Variants in PAK3 observed in about 807,000 individuals in gnomAD.
PAK3 encodes the protein p21 (RAC1) activated kinase 3.
PAK3 carries 4 observed loss-of-function variants against 41.0 expected under a neutral mutation model. The observed-to-expected ratio is 0.10, with a 90% CI of 0.05 to 0.22. PAK3 has a LOEUF of 0.22. Ranked by LOEUF, PAK3 falls within the 10% of genes least tolerant of loss-of-function variation. The pLI, the probability that PAK3 is intolerant of heterozygous loss-of-function variation, is 1.00. For missense variants in PAK3, 205 were observed against 409.9 expected (o/e 0.50, Z 4.32); for synonymous variants, 146 against 139.6 (o/e 1.05, Z -0.32).
At chrX:111,066,212 A>G (rs768518331) in intron 1 of PAK3, among the ~76,000 whole-genome samples, 4 of 111,854 alleles carry the variant, frequency 3.6e-5, no homozygotes, top group Non-Finnish European at 7.5e-5. Flanking sequence ...TCCTATTAAC[A>G]CTGCTTTTAC....
chrX:110,946,906 A>G (rs1281806142), intron 1 of PAK3, among the ~76,000 whole-genome samples: 1 of 112,481 alleles, frequency 8.9e-6, no homozygotes, highest in African/African-American at 3.2e-5. Flanking sequence ...CTGGTAATTA[A>G]CAATGGTACA....
chrX:111,100,200 A>G (rs1350002882), intron 3 of PAK3, among the ~76,000 whole-genome samples: 6 of 110,217 alleles, frequency 5.4e-5, no homozygotes, highest in East Asian at 2.9e-4. Context: ...CCCTAACTCA[A>G]TCTCAAAACA....
chrX:111,043,827 A>G (rs772337995), intron 1 of PAK3, among the ~76,000 whole-genome samples: 28 of 111,299 alleles, frequency 2.5e-4, no homozygotes, highest in African/African-American at 9.1e-4. Flanking sequence ...CAGACTTCTC[A>G]CCTTCTATTG....
chrX:111,161,536 TTGCCCA>T (rs2094188566), intron 8 of PAK3, among the ~76,000 whole-genome samples: 1 of 111,064 alleles, frequency 9.0e-6, no homozygotes, highest in South Asian at 3.8e-4. Flanking sequence ...CATGAAGTCC[TTGCCCA>T]TGCCTATGTC....
At position 111,048,387 on chromosome X, in the gene PAK3, C is replaced by T. The variant is rs143395479; in HGVS notation, c.-27-74690C>T. On this transcript the variant is annotated intron_variant, in intron 1 of 14. Transcript: ENST00000425146. ...AAAAAGTCTGCCTGTTGATGATGCT[C>T]ATATTCATATCTTCAGCTCTCACCT... Among the ~76,000 whole-genome samples the T allele has an allele frequency of 2.7e-3, 296 of 111,531 alleles. 1 individual carries two copies. Among genetic ancestry groups the T allele is most frequent in the African/African-American group, 8.8e-3 (270 of 30,640 alleles).
chrX:111,176,946 GA>G (rs1464250970), intron 11 of PAK3, among the ~76,000 whole-genome samples: 5 of 81,403 alleles, frequency 6.1e-5, no homozygotes, highest in Non-Finnish European at 1.2e-4. Context: ...GCAAAATATT[GA>G]CTTTTTTCTT....
chrX:111,178,980 T>TATAG (rs1211051270), intron 11 of PAK3, among the ~76,000 whole-genome samples: 6 of 91,599 alleles, frequency 6.6e-5, no homozygotes, highest in African/African-American at 1.6e-4. Context: ...TATATATATA[T>TATAG]AGAGAGAGAG....
At chrX:111,125,872 C>T (rs1334712707) in intron 5 of PAK3, among the ~76,000 whole-genome samples, 1 of 111,727 alleles carries the variant, frequency 9.0e-6, no homozygotes, top group Non-Finnish European at 1.9e-5. Context: ...TACTGGACAG[C>T]TAATAAGCTA....
intron 1 of PAK3, among the ~76,000 whole-genome samples, chrX:110,990,980 T>C (rs1325155187): frequency 9.1e-6 from 1 of 109,500 alleles, no homozygotes; most frequent in South Asian, 4.0e-4. Flanking sequence ...TACACAAAAA[T>C]TAGCTGGGTG....
intron 4 of PAK3, among the ~76,000 whole-genome samples, chrX:111,107,433 A>G (rs757627323): frequency 3.6e-5 from 4 of 112,629 alleles, no homozygotes; most frequent in Non-Finnish European, 7.5e-5. Context: ...GACAAGCTGA[A>G]GGAAGTTTCT....
rs945812886 is a variant in PAK3, at chrX:111,227,310, G to C, written c.*6863G>C. 2 of 111,979 alleles carry C rather than the reference G, an allele frequency of 1.8e-5. No homozygotes were observed. Among genetic ancestry groups the C allele is most frequent in the Non-Finnish European group, 3.8e-5 (2 of 53,250 alleles). 9.2% of individuals were successfully genotyped at this position (111,979 alleles called of 1,213,427 possible). A position where few individuals can be genotyped will look rare whatever the true frequency, so the allele number is the denominator to read the frequency against. ...GTGTCTTGAGTGTAAAAATATTGCA[G>C]TTTGAAACTTGGACCTAAAGTATTG... On this transcript the variant is annotated 3_prime_UTR_variant, in exon 18 of 18. Transcript: ENST00000372007.
At chrX:111,019,338 A>G (rs1352576783) in intron 1 of PAK3, among the ~76,000 whole-genome samples, 2 of 110,295 alleles carry the variant, frequency 1.8e-5, no homozygotes, top group Non-Finnish European at 3.8e-5. Context: ...CAAATCCTAT[A>G]TCTGGTAAGG....
chrX:111,146,065 G>A (rs945428022), intron 6 of PAK3, among the ~76,000 whole-genome samples: 5 of 111,626 alleles, frequency 4.5e-5, no homozygotes, highest in Non-Finnish European at 1.9e-5. Context: ...ACTAAAATTG[G>A]TTAACCAGAA....
chrX:111,149,216 G>A (rs149977740), intron 7 of PAK3, among the ~76,000 whole-genome samples: 1,367 of 112,004 alleles, frequency 0.012, 13 homozygotes, highest in Non-Finnish European at 0.018. Flanking sequence ...GGGTTCCCAT[G>A]GTCTTGGGCA....
chrX:111,175,021 C>T (rs1459206052), intron 11 of PAK3, among the ~76,000 whole-genome samples: 4 of 111,432 alleles, frequency 3.6e-5, no homozygotes, highest in Non-Finnish European at 7.5e-5. Context: ...ATATACAGAC[C>T]TCAGCTCTCC....
At chrX:111,150,779 C>T (rs2094015585) in intron 7 of PAK3, among the ~76,000 whole-genome samples, 1 of 111,656 alleles carries the variant, frequency 9.0e-6, no homozygotes, top group African/African-American at 3.3e-5. Context: ...AATATATATA[C>T]CAAATAATAC....
intron 1 of PAK3, among the ~76,000 whole-genome samples, chrX:111,030,470 G>A (rs1421810246): frequency 8.9e-6 from 1 of 112,106 alleles, no homozygotes; most frequent in African/African-American, 3.2e-5. Context: ...CTCCCTTTGA[G>A]AGACTACATT....
At chrX:111,043,347 A>T (rs1166324187) in intron 1 of PAK3, among the ~76,000 whole-genome samples, 1 of 111,508 alleles carries the variant, frequency 9.0e-6, no homozygotes, top group Non-Finnish European at 1.9e-5. Flanking sequence ...TAGTCTTAAA[A>T]TCATACTTTT....
chrX:111,068,456 C>T (rs1365034321), intron 1 of PAK3, among the ~76,000 whole-genome samples: 4 of 111,637 alleles, frequency 3.6e-5, no homozygotes, highest in Non-Finnish European at 5.6e-5. Flanking sequence ...TGTGCCACCA[C>T]GCTGGCTAAT....
Sources: gnomAD v4.1 joint callset for allele counts (sites outside exome capture counted in the v4.1 genomes callset) on GRCh38, gnomAD v4.1.1 for gene constraint, MANE v1.5 for transcripts, NCBI Gene and HGNC (gene_info 2026-07-23, HGNC 2026-07-21) for gene names.